Variants in AP1S2 observed in about 807,000 individuals in gnomAD.
AP1S2 encodes adaptor related protein complex 1 subunit sigma 2, also known as AP-1 complex subunit sigma-2.
AP1S2 carries 1 observed loss-of-function variant against 14.3 expected under a neutral mutation model. That is an observed-to-expected ratio of 0.07 (90% confidence interval 0.02 to 0.33). The LOEUF is 0.33. AP1S2 is among the 10% of genes least tolerant of loss of function. AP1S2 has a pLI of 0.99. For missense variants in AP1S2, 30 were observed against 117.7 expected, an observed-to-expected ratio of 0.25 and a Z score of 3.45; for synonymous variants, 30 against 40.5, an observed-to-expected ratio of 0.74 and a Z score of 0.99.
At chrX:15,833,021 A>G in intron 4 of AP1S2, 9 of 1,108,357 alleles carry the variant, frequency 8.1e-6, no homozygotes, top group Non-Finnish European at 1.1e-5. Flanking sequence ...GAGAGAGAAC[A>G]AGAAAAGTTT....
chrX:15,834,302 A>C (rs1378111051), intron 4 of AP1S2, among the ~76,000 whole-genome samples: 1 of 102,443 alleles, frequency 9.8e-6, no homozygotes, highest in African/African-American at 3.6e-5. Context: ...ACACTTCCTC[A>C]ATTTTGCTCA....
rs1317490124 is a variant in AP1S2 at position 15,826,326 on chromosome X, T to C, written c.*999A>G. The stretch of plus-strand genomic sequence containing the variant: ...AACTCTTTTTTGTAAGAAATGTGTC[T>C]TTTTAAATTTTTATAAGACTTCTGT... On this transcript the variant is annotated 3_prime_UTR_variant, in exon 6 of 6. Transcript: ENST00000672987. 1 of 112,550 alleles carries C rather than the reference T, an allele frequency of 8.9e-6. No homozygotes were observed. The allele number at this position is 112,550 out of a possible 1,213,427, so 9.3% of individuals were successfully genotyped here. A position where few individuals can be genotyped will look rare whatever the true frequency, so the allele number is the denominator to read the frequency against.
At chrX:15,851,448 A>T (rs1934175577) in intron 2 of AP1S2, among the ~76,000 whole-genome samples, 1 of 112,333 alleles carries the variant, frequency 8.9e-6, no homozygotes, top group Non-Finnish European at 1.9e-5. Context: ...ACTTCCATGT[A>T]TACTCCCCAC....
intron 4 of AP1S2, among the ~76,000 whole-genome samples, chrX:15,841,816 A>G (rs1569084131): frequency 8.9e-6 from 1 of 112,296 alleles, no homozygotes; most frequent in African/African-American, 3.2e-5. Flanking sequence ...AAAGAAGTTC[A>G]TATCTAAAAC....
intron 4 of AP1S2, among the ~76,000 whole-genome samples, chrX:15,837,830 C>T (rs1167904555): frequency 9.1e-6 from 1 of 110,221 alleles, no homozygotes; most frequent in African/African-American, 3.3e-5. Flanking sequence ...TGGTCTCGAT[C>T]TCCTGACCTT....
chrX:15,852,763 G>GA (rs1342205413), intron 1 of AP1S2: 1 of 566,607 alleles, frequency 1.8e-6, no homozygotes, highest in Non-Finnish European at 2.1e-6. Flanking sequence ...GTGTGCAGGA[G>GA]AAAAAAGAAA....
chrX:15,827,796 AT>A (rs759156501), intron 5 of AP1S2, among the ~76,000 whole-genome samples: 1 of 111,590 alleles, frequency 9.0e-6, no homozygotes, highest in South Asian at 3.7e-4. Flanking sequence ...TGTCACATGC[AT>A]TTATAGAAAT....
chrX:15,844,897 T>C, intron 4 of AP1S2: 1 of 538,805 alleles, frequency 1.9e-6, no homozygotes, highest in Non-Finnish European at 2.3e-6. Context: ...TAGAAAACAC[T>C]ATCATTTGCT....
At chrX:15,834,327 TAAAG>T (rs1394822327) in intron 4 of AP1S2, among the ~76,000 whole-genome samples, 2 of 99,158 alleles carry the variant, frequency 2.0e-5, no homozygotes, top group African/African-American at 7.4e-5. Flanking sequence ...ACTCATGAAT[TAAAG>T]AAAAAAAAAG....
rs35560738 is a variant in AP1S2, at chrX:15,837,605, CT to C, written c.426+7773del. ...TAATTTTGGTGAATCATAGAGATGA[CT>C]TTTTTTTTTTTTTTTTTTTGAGACG... On this transcript the variant is annotated intron_variant, in intron 4 of 5. Transcript: ENST00000672987. Among the ~76,000 whole-genome samples, 616 of 82,602 alleles carry C rather than the reference CT, an allele frequency of 7.5e-3. 3 individuals are homozygous for C. Among genetic ancestry groups the C allele is most frequent in the Admixed American group, 0.027 (184 of 6,918 alleles). 71.7% of individuals were successfully genotyped at this position (82,602 alleles called of 115,157 possible). A position where few individuals can be genotyped will look rare whatever the true frequency, so the allele number is the denominator to read the frequency against.
intron 4 of AP1S2, chrX:15,833,234 G>A (rs1438095645): frequency 4.0e-6 from 3 of 753,982 alleles, no homozygotes; most frequent in Non-Finnish European, 4.7e-6. Context: ...CAAACAGGGC[G>A]GAGTATGCAA....
intron 1 of AP1S2, among the ~76,000 whole-genome samples, chrX:15,853,311 G>C (rs1266101408): frequency 1.8e-5 from 2 of 112,354 alleles, no homozygotes; most frequent in Non-Finnish European, 3.8e-5. Flanking sequence ...TGGAATGGAT[G>C]CTGAATTCTA....
intron 2 of AP1S2, among the ~76,000 whole-genome samples, chrX:15,847,353 C>T (rs982748385): frequency 1.8e-5 from 2 of 110,599 alleles, no homozygotes; most frequent in African/African-American, 3.3e-5. Context: ...AAGAGTACAG[C>T]GCCTACAAGT....
intron 4 of AP1S2, among the ~76,000 whole-genome samples, chrX:15,834,463 T>C (rs1331374264): frequency 2.7e-5 from 1 of 36,445 alleles, no homozygotes; most frequent in Non-Finnish European, 4.8e-5. Context: ...TATATATATA[T>C]ATATATATAT....
Position 15,827,357 on chromosome X carries a change from G to T in AP1S2, c.451C>A (p.Arg151Ser), listed in dbSNP as rs754761928. 1 of 1,208,899 alleles carries T rather than the reference G, an allele frequency of 8.3e-7. No individual in the cohort carries two copies. The highest frequency in any genetic ancestry group is 1.8e-5 in the South Asian group (1 of 56,962). Reference sequence around the variant, plus strand: ...AGTCCAATTTCTTCAAGAACACTACGTGGGGTTTCAGCTTCCTGTGGAGGG... The same window carrying T: ...AGTCCAATTTCTTCAAGAACACTACTTGGGGTTTCAGCTTCCTGTGGAGGG... The part of the protein sequence containing the change: ...QEDAKEAETP[R>S]SVLEEIGLT Residue 151 changes from arginine to serine, a missense_variant, in exon 6 of 6, where the codon CGT (arginine) becomes AGT (serine). Arg to Ser is a moderately radical substitution (Grantham distance 110). Around this residue, in one of 3 missense-constraint regions of AP1S2, gnomAD observed 14 missense variants for 24.0 expected, o/e 0.58. Transcript: ENST00000672987.
chrX:15,839,346 C>T (rs1036306852), intron 4 of AP1S2, among the ~76,000 whole-genome samples: 19 of 112,027 alleles, frequency 1.7e-4, no homozygotes, highest in African/African-American at 6.2e-4. Flanking sequence ...TATCAAAATG[C>T]TTTTTGCTGT....
chrX:15,832,668 A>T, intron 4 of AP1S2: 1 of 815,662 alleles, frequency 1.2e-6, no homozygotes, highest in Non-Finnish European at 1.5e-6. Flanking sequence ...AGTGATTCAC[A>T]GTATTTAATG....
At position 15,845,525 on chromosome X, in the gene AP1S2, GA is replaced by G. The variant is rs746801765; in HGVS notation, c.289-10del. On this transcript the variant is annotated splice_polypyrimidine_tract_variant and intron_variant, in intron 3 of 5. Coordinates refer to ENST00000672987, the MANE Select transcript of AP1S2 (RefSeq NM_001272071.2). The stretch of plus-strand genomic sequence containing the variant: ...ATATCTAGTTCACAGACCTGAAAAG[GA>G]AAAAAAAAAGAAAAAAGAAAAGAAA... 216 of 1,073,104 alleles carry G rather than the reference GA, an allele frequency of 2.0e-4. No individual in the cohort carries two copies. Among genetic ancestry groups the G allele is most frequent in the Admixed American group, 1.2e-3 (44 of 35,545 alleles). The allele number at this position is 1,073,104 out of a possible 1,213,427, so 88.4% of individuals were successfully genotyped here. A position where few individuals can be genotyped will look rare whatever the true frequency, so the allele number is the denominator to read the frequency against.
intron 4 of AP1S2, chrX:15,831,213 CACAGA>C (rs757254610): frequency 2.8e-6 from 2 of 720,496 alleles, no homozygotes; most frequent in Admixed American, 1.8e-4. Flanking sequence ...TAAGATAAAT[CACAGA>C]TGGTTCATTA....
Sources: allele counts gnomAD v4.1 joint callset (sites outside exome capture counted in the v4.1 genomes callset), GRCh38; gene constraint gnomAD v4.1.1; regional missense constraint gnomAD v4.1.1; transcripts MANE v1.5; gene names NCBI Gene and HGNC (gene_info 2026-07-23, HGNC 2026-07-21).